TMPRSS2: variants seen among roughly 807,000 people sequenced by gnomAD.
The protein encoded by TMPRSS2 is transmembrane serine protease 2.
In TMPRSS2, 59 loss-of-function variants were observed where a neutral mutation model predicts 67.4. That is an observed-to-expected ratio of 0.88 (90% CI 0.71 to 1.09). TMPRSS2 has a LOEUF of 1.09. Among genes scored for constraint, TMPRSS2 ranks in the 50% least tolerant of loss-of-function variants. The pLI, the probability that TMPRSS2 is intolerant of heterozygous loss-of-function variation, is 0.00. For synonymous variants in TMPRSS2, 257 were observed against 257.0 expected, an observed-to-expected ratio of 1.00 and a Z score of 0.00; for missense variants, 668 against 642.7, an observed-to-expected ratio of 1.04 and a Z score of -0.43.
intron 1 of TMPRSS2, among the ~76,000 whole-genome samples, chr21:41,499,918 C>T (rs940879138): frequency 6.6e-6 from 1 of 152,182 alleles, no homozygotes. Context: ...CAAGATTATC[C>T]GTCCACAAGA....
intron 1 of TMPRSS2, among the ~76,000 whole-genome samples, chr21:41,505,637 G>C (rs555390803): frequency 6.6e-6 from 1 of 152,320 alleles, no homozygotes; most frequent in East Asian, 1.9e-4. Context: ...AGGGCTGTGG[G>C]CAGGGGCTGG....
At chr21:41,467,588 G>T in intron 13 of TMPRSS2, 146 bp downstream of exon 13, 1 of 840,800 alleles carries the variant, frequency 1.2e-6, no homozygotes, top group Non-Finnish European at 1.9e-6. Context: ...CTGGGGGGAT[G>T]GGGCTGTGGC....
At position 41,494,560 on chromosome 21, in the gene TMPRSS2, C is replaced by T; in HGVS notation, c.34G>A (p.Gly12Arg). The T allele has an allele frequency of 5.0e-6, 8 of 1,613,486 alleles. No individual in the cohort carries two copies. The highest frequency in any genetic ancestry group is 6.8e-6 in the Non-Finnish European group (8 of 1,179,888). ...TATCCATGGTTTTCATAGTAAGGTC[C>T]AATAGCTGGTGGTGACCCCTAAACA... The part of the protein sequence containing the change: ...ALNSGSPPAI[G>R]PYYENHGYQP... Residue 12 changes from glycine (G) to arginine (R), a missense_variant, in exon 3 of 14, where the codon GGA becomes AGA. Coordinates refer to ENST00000332149, the MANE Select transcript of TMPRSS2 (RefSeq NM_005656.4).
chr21:41,495,137 C>G (rs979575768), intron 2 of TMPRSS2, among the ~76,000 whole-genome samples: 14 of 151,004 alleles, frequency 9.3e-5, no homozygotes, highest in Admixed American at 8.6e-4. Context: ...ACAACTATGT[C>G]AAACATTGAA....
chr21:41,469,740 G>A (rs540165785), intron 11 of TMPRSS2, among the ~76,000 whole-genome samples: 18 of 151,746 alleles, frequency 1.2e-4, no homozygotes, highest in South Asian at 2.1e-4. Context: ...CACCTGCCCC[G>A]TCCCCACCAC....
chr21:41,506,270 C>A (rs904152792), intron 1 of TMPRSS2, among the ~76,000 whole-genome samples: 1 of 152,140 alleles, frequency 6.6e-6, no homozygotes, highest in African/African-American at 2.4e-5. Flanking sequence ...AAACAAATGT[C>A]CAAGCAGAGA....
chr21:41,479,061 A>T, intron 7 of TMPRSS2, 111 bp downstream of exon 7: 1 of 830,742 alleles, frequency 1.2e-6, no homozygotes, highest in Non-Finnish European at 2.0e-6. Flanking sequence ...TGCAAAACCC[A>T]TCCAGACCGA....
intron 3 of TMPRSS2, among the ~76,000 whole-genome samples, chr21:41,491,785 C>T (rs2091338558): frequency 6.6e-6 from 1 of 152,216 alleles, no homozygotes; most frequent in Non-Finnish European, 1.5e-5. Context: ...GCGGGAAGCC[C>T]TCAAGTTTAC....
chr21:41,502,120 C>A (rs1018102833), intron 1 of TMPRSS2, among the ~76,000 whole-genome samples: 13 of 152,218 alleles, frequency 8.5e-5, no homozygotes, highest in African/African-American at 3.1e-4. Context: ...GCTGAGTCAG[C>A]CCATGAGTCA....
intron 12 of TMPRSS2, 147 bp from the exon 13 acceptor site, chr21:41,468,033 G>A (rs1279748722): frequency 1.2e-6 from 1 of 807,882 alleles, no homozygotes; most frequent in Non-Finnish European, 2.0e-6. Context: ...CCATCAAGGG[G>A]TGATGGTAAC....
At chr21:41,496,383 A>G (rs903527706) in intron 2 of TMPRSS2, among the ~76,000 whole-genome samples, 2 of 152,238 alleles carry the variant, frequency 1.3e-5, no homozygotes, top group African/African-American at 4.8e-5. Flanking sequence ...GTGGTTCACA[A>G]CATGGGCTGT....
chr21:41,470,812 A>C, intron 10 of TMPRSS2, 69 bp from the exon 11 acceptor site: 6 of 949,048 alleles, frequency 6.3e-6, no homozygotes, highest in Non-Finnish European at 9.1e-6. Context: ...GCCTTCCCAC[A>C]TGCAGGCTGC....
In TMPRSS2 at chr21:41,478,258, G is replaced by A. The variant is rs563507800; in HGVS notation, c.683+914C>T. Among the ~76,000 whole-genome samples the A allele has an allele frequency of 8.5e-5, 13 of 152,244 alleles. No homozygotes were observed. In the South Asian group the frequency reaches 2.5e-3, roughly 29 times the overall value. ...CAGGCCCCCAGACCCCTCCACCAGC[G>A]GCCTCCAGGAATGCAAACCTGCCCC... On this transcript the variant is annotated intron_variant, in intron 7 of 13. Transcript: ENST00000332149. This position sits in a 1 kb window ranked among gnomAD's most constrained non-coding sequence, Gnocchi z 4.0.
At chr21:41,493,614 T>C (rs1430407404) in intron 3 of TMPRSS2, among the ~76,000 whole-genome samples, 1 of 152,272 alleles carries the variant, frequency 6.6e-6, no homozygotes, top group Non-Finnish European at 1.5e-5. Flanking sequence ...ATCTTTGGCG[T>C]AGCCACTGCT....
At chr21:41,475,627 GA>G in intron 8 of TMPRSS2, among the ~76,000 whole-genome samples, 1 of 25,546 alleles carries the variant, frequency 3.9e-5, no homozygotes, top group Admixed American at 3.1e-4. Context: ...GGAGGTGAGT[GA>G]GGGTTGAGGG....
chr21:41,482,738 G>C (rs2091265900), intron 5 of TMPRSS2, among the ~76,000 whole-genome samples: 1 of 152,162 alleles, frequency 6.6e-6, no homozygotes, highest in Non-Finnish European at 1.5e-5. Context: ...TCTGGACAAC[G>C]GAATATTATT....
At chr21:41,493,387 C>A (rs527242422) in intron 3 of TMPRSS2, among the ~76,000 whole-genome samples, 1 of 151,924 alleles carries the variant, frequency 6.6e-6, no homozygotes, top group South Asian at 2.1e-4. Context: ...GGGGTAGAAA[C>A]GCAGGAGCGG....
chr21:41,489,574 G>T lies in TMPRSS2; in HGVS notation c.258C>A (p.Cys86Ter), dbSNP rs1382989350. 1.2e-6 allele frequency: 2 copies of T among 1,613,980 alleles called. No homozygotes were observed. Among genetic ancestry groups the T allele is most frequent in the Non-Finnish European group, 1.7e-6 (2 of 1,179,966 alleles). The change falls in exon 4 of 14, where the codon TGC becomes TGA. Residue 86 changes from cysteine (C) to a stop codon, truncating the protein, a stop_gained. Transcript: ENST00000332149. LOFTEE classifies it high-confidence loss of function. ...VCTSKTKKAL[C>*]ITLTLGTFLV... The stretch of plus-strand genomic sequence containing the variant: ...GGAAGGTCCCCAGGGTCAAGGTGAT[G>T]CACAGTGCTTTCTTAGTCTCTGGAA...
chr21:41,468,667 CGGTCAGCT>C (rs2091105037), intron 11 of TMPRSS2, 129 bp from the exon 12 acceptor site: 1 of 1,096,256 alleles, frequency 9.1e-7, no homozygotes, highest in Non-Finnish European at 1.3e-6. Context: ...AGCCCTGCCC[CGGTCAGCT>C]CATCCCAGCA....
Sources: gnomAD v4.1 joint callset for allele counts (sites outside exome capture counted in the v4.1 genomes callset) on GRCh38, gnomAD v4.1.1 for gene constraint, Gnocchi (gnomAD v3.1) non-coding constraint, MANE v1.5 for transcripts, NCBI Gene and HGNC (gene_info 2026-07-23, HGNC 2026-07-21) for gene names.